Variants in RHOU observed in about 807,000 individuals in gnomAD.
The protein encoded by RHOU is rho-related GTP-binding protein RhoU.
RHOU carries 8 observed loss-of-function variants against 12.6 expected under a neutral mutation model. The ratio of observed to expected loss-of-function variants is 0.64; its 90% CI spans 0.37 to 1.15. The LOEUF (loss-of-function observed/expected upper bound fraction) is 1.15. RHOU is among the 50% of genes most tolerant of loss of function. RHOU has a pLI of 0.01. For missense variants in RHOU, 258 were observed against 347.0 expected (o/e 0.74, Z 2.04); for synonymous variants, 161 against 147.4 (o/e 1.09, Z -0.67).
chr1:228,711,945 A>G, the RHOU span, among the ~76,000 whole-genome samples: 1 of 140,916 alleles, frequency 7.1e-6, no homozygotes, highest in Non-Finnish European at 1.5e-5. Flanking sequence ...TCTACAATGA[A>G]CTCAAACAAA....
chr1:228,732,454 A>G (rs544653197), upstream of RHOU, among the ~76,000 whole-genome samples: 1 of 152,288 alleles, frequency 6.6e-6, no homozygotes, highest in South Asian at 2.1e-4. Flanking sequence ...GTTCAACGTA[A>G]AAAGGGGTAA....
At chr1:228,686,304 T>G in the RHOU span, among the ~76,000 whole-genome samples, 1 of 152,194 alleles carries the variant, frequency 6.6e-6, no homozygotes, top group South Asian at 2.1e-4. Context: ...TTAACTAATA[T>G]TATTATAATA....
chr1:228,674,556 G>A, the RHOU span, among the ~76,000 whole-genome samples: 1 of 151,472 alleles, frequency 6.6e-6, no homozygotes. Flanking sequence ...ATGTTGTCCA[G>A]GCTGGTCTCA....
the RHOU span, among the ~76,000 whole-genome samples, chr1:228,723,732 C>CT: frequency 6.6e-6 from 1 of 152,216 alleles, no homozygotes; most frequent in African/African-American, 2.4e-5. Flanking sequence ...GAAATAATTT[C>CT]TTAATAACTC....
chr1:228,723,609 A>G, the RHOU span, among the ~76,000 whole-genome samples: 1 of 152,242 alleles, frequency 6.6e-6, no homozygotes, highest in African/African-American at 2.4e-5. Flanking sequence ...TTTGCATATC[A>G]AAGGTTGCCG....
chr1:228,698,977 T>G, the RHOU span, among the ~76,000 whole-genome samples: 2 of 152,236 alleles, frequency 1.3e-5, no homozygotes, highest in South Asian at 4.1e-4. Flanking sequence ...TTTGTTGTAG[T>G]GTGGGTGGCA....
the RHOU span, among the ~76,000 whole-genome samples, chr1:228,713,090 T>C: frequency 1.3e-5 from 2 of 152,164 alleles, no homozygotes; most frequent in African/African-American, 2.4e-5. Context: ...GCATACAACT[T>C]CTAAAATTCT....
chr1:228,675,155 T>C, the RHOU span, among the ~76,000 whole-genome samples: 1 of 152,218 alleles, frequency 6.6e-6, no homozygotes, highest in African/African-American at 2.4e-5. Context: ...CTTATTGATA[T>C]GAAATTGAAG....
the RHOU span, among the ~76,000 whole-genome samples, chr1:228,647,006 G>C: frequency 1.4e-5 from 2 of 146,634 alleles, no homozygotes; most frequent in African/African-American, 5.1e-5. Context: ...GAGAAATAAC[G>C]CGAGGTCCAG....
rs189395350 is a variant in RHOU at position 228,741,403 on chromosome 1, C to G, written c.322-1882C>G. 3.6e-3 allele frequency among the ~76,000 whole-genome samples: 544 copies of G among 152,286 alleles called. 3 individuals carry two copies. Among genetic ancestry groups the G allele is most frequent in the Middle Eastern group, 0.027 (8 of 294 alleles). On this transcript the variant is annotated intron_variant, in intron 2 of 2. Coordinates refer to ENST00000366691, the MANE Select transcript of RHOU (RefSeq NM_021205.6). ...TCTGGGGAGATAGCTTTCCAAAGCC[C>G]CCTCAGAAGTCCCAGCCCTTGTGCT... is the stretch of plus-strand genomic sequence containing the variant.
In RHOU at chr1:228,735,907, C is replaced by A; in HGVS notation, c.165C>A (p.Val55=). The part of the protein sequence containing the change: ...AEGRGVKCVL[V]GDGAVGKTSL... ...GGCGCGGCGTCAAGTGCGTGCTGGT[C>A]GGCGACGGCGCGGTGGGCAAGACGA... Residue 55 remains valine (V), a synonymous_variant, in exon 1 of 3, where the codon GTC becomes GTA. Transcript: ENST00000366691. This position sits in a 1 kb window ranked among gnomAD's most constrained non-coding sequence, Gnocchi z 8.1. The A allele has an allele frequency of 4.5e-6, 7 of 1,560,430 alleles. No individual in the cohort carries two copies. Among genetic ancestry groups the A allele is most frequent in the Non-Finnish European group, 6.0e-6 (7 of 1,159,156 alleles).
the RHOU span, among the ~76,000 whole-genome samples, chr1:228,710,869 T>C: frequency 6.6e-6 from 1 of 152,168 alleles, no homozygotes; most frequent in Admixed American, 6.6e-5. Flanking sequence ...GGAAGTCAAA[T>C]TGTACCTGTT....
At chr1:228,662,028 C>CT in the RHOU span, among the ~76,000 whole-genome samples, 1 of 152,168 alleles carries the variant, frequency 6.6e-6, no homozygotes, top group Admixed American at 6.5e-5. Context: ...AGTATATGAA[C>CT]AGACACTTCT....
At chr1:228,740,755 C>G (rs1662704385) in intron 2 of RHOU, among the ~76,000 whole-genome samples, 1 of 152,198 alleles carries the variant, frequency 6.6e-6, no homozygotes, top group South Asian at 2.1e-4. Flanking sequence ...TAGGCTAGAA[C>G]TTGGGGATGT....
the RHOU span, among the ~76,000 whole-genome samples, chr1:228,675,989 A>G: frequency 6.6e-6 from 1 of 152,222 alleles, no homozygotes; most frequent in East Asian, 1.9e-4. Flanking sequence ...GTTATTCATC[A>G]GGAATTTTCA....
the RHOU span, among the ~76,000 whole-genome samples, chr1:228,729,031 G>A: frequency 6.6e-6 from 1 of 151,908 alleles, no homozygotes; most frequent in Admixed American, 6.6e-5. Flanking sequence ...AAGTAGCTGG[G>A]GCTACAGGTA....
the RHOU span, among the ~76,000 whole-genome samples, chr1:228,707,255 AGTGTGTGTGTGT>A: frequency 3.2e-3 from 130 of 40,686 alleles, 1 homozygote; most frequent in African/African-American, 0.013. Flanking sequence ...ATATATATAT[AGTGTGTGTGTGT>A]GTGTGTGTGT....
At chr1:228,669,591 T>C in the RHOU span, among the ~76,000 whole-genome samples, 2 of 152,240 alleles carry the variant, frequency 1.3e-5, no homozygotes, top group South Asian at 2.1e-4. Flanking sequence ...TAAGAACTTA[T>C]GAAATGTTAT....
At chr1:228,715,888 G>T in the RHOU span, among the ~76,000 whole-genome samples, 2 of 147,040 alleles carry the variant, frequency 1.4e-5, no homozygotes, top group East Asian at 2.0e-4. Flanking sequence ...ATTGTGATTT[G>T]TGACTTTTAG....
Sources: gnomAD v4.1 joint callset for allele counts (sites outside exome capture counted in the v4.1 genomes callset) on GRCh38, gnomAD v4.1.1 for gene constraint, Gnocchi (gnomAD v3.1) non-coding constraint, MANE v1.5 for transcripts, NCBI Gene and HGNC (gene_info 2026-07-23, HGNC 2026-07-21) for gene names.